The following CNTN3 variants were observed in gnomAD, a reference collection of about 807,000 sequenced individuals.
CNTN3 encodes the protein contactin-3.
Under a neutral mutation model 119.1 loss-of-function variants are expected in CNTN3, and 60 were observed. The ratio of observed to expected loss-of-function variants is 0.50; its 90% CI spans 0.41 to 0.62. The LOEUF (loss-of-function observed/expected upper bound fraction) is 0.62. Ranked by LOEUF, CNTN3 falls within the 20% of genes least tolerant of loss-of-function variation. CNTN3 has a pLI of 0.00. For missense variants in CNTN3, 1,101 were observed against 1,242.4 expected (o/e 0.89, Z 1.71); for synonymous variants, 450 against 438.7 (o/e 1.03, Z -0.32).
intron 1 of CNTN3, among the ~76,000 whole-genome samples, chr3:74,569,459 G>A (rs1197246194): frequency 6.6e-6 from 1 of 152,104 alleles, no homozygotes; most frequent in Non-Finnish European, 1.5e-5. Flanking sequence ...ACTGTCTCGC[G>A]TTATAAAACT....
chr3:74,326,924 T>A (rs1703146021), intron 13 of CNTN3, among the ~76,000 whole-genome samples: 1 of 152,074 alleles, frequency 6.6e-6, no homozygotes, highest in Non-Finnish European at 1.5e-5. Flanking sequence ...TTTTGGGATG[T>A]GGAAGAAGTA....
At position 74,364,545 on chromosome 3, in the gene CNTN3, T is replaced by C. The variant is rs2106777898; in HGVS notation, c.1135A>G (p.Thr379Ala). 6.2e-7 allele frequency: 1 copy of C among 1,611,972 alleles called. No homozygotes were observed. Among genetic ancestry groups the C allele is most frequent in the South Asian group, 1.1e-5 (1 of 91,024 alleles). ...GALTISNLSVTDSGMFQCIAE... is the reference protein window; with the variant it reads ...GALTISNLSVADSGMFQCIAE... ...ATGCATTGGAACATGCCAGAATCAG[T>C]CACACTTAGGTTTGATATTGTAAGG... Residue 379 changes from threonine to alanine, a missense_variant, in exon 10 of 23, where the codon ACT (threonine) becomes GCT (alanine). Transcript: ENST00000263665.
chr3:74,301,558 A>G lies in CNTN3; in HGVS notation c.1946-11T>C. 1 of 1,613,484 alleles carries G rather than the reference A, an allele frequency of 6.2e-7. No homozygotes were observed. Among genetic ancestry groups the G allele is most frequent in the African/African-American group, 1.3e-5 (1 of 75,028 alleles). ...CGATGACCTCAGGCACTACAAAGGA[A>G]TATTTCAGAGGTAAGAGTCTGCCTG... On this transcript the variant is annotated splice_polypyrimidine_tract_variant and intron_variant, in intron 15 of 22. Transcript: ENST00000263665.
At chr3:74,427,034 T>A (rs1701705812) in intron 4 of CNTN3, among the ~76,000 whole-genome samples, 1 of 152,198 alleles carries the variant, frequency 6.6e-6, no homozygotes, top group Non-Finnish European at 1.5e-5. Flanking sequence ...ACCAGTAATG[T>A]CTCCTCCAAA....
intron 4 of CNTN3, among the ~76,000 whole-genome samples, chr3:74,451,474 C>T (rs1488537557): frequency 1.3e-5 from 2 of 152,092 alleles, no homozygotes; most frequent in Non-Finnish European, 2.9e-5. Context: ...TGCCTGTTCA[C>T]TCTGATGGTA....
chr3:74,465,514 T>C (rs1458402040), intron 4 of CNTN3, among the ~76,000 whole-genome samples: 2 of 152,216 alleles, frequency 1.3e-5, no homozygotes, highest in East Asian at 3.9e-4. Flanking sequence ...TTTTCTCTGC[T>C]GGTGTCTTCT....
chr3:74,329,873 A>T (rs1225084160), intron 13 of CNTN3, among the ~76,000 whole-genome samples: 2 of 152,212 alleles, frequency 1.3e-5, no homozygotes, highest in Non-Finnish European at 2.9e-5. Flanking sequence ...GAAATAGTGT[A>T]CACATTCTTA....
intron 11 of CNTN3, among the ~76,000 whole-genome samples, chr3:74,339,383 C>T (rs1313485834): frequency 2.0e-5 from 3 of 152,090 alleles, no homozygotes; most frequent in Non-Finnish European, 4.4e-5. Flanking sequence ...CACAAGCCTT[C>T]TTTTAATGAC....
intron 13 of CNTN3, 101 bp from the exon 14 acceptor site, chr3:74,302,908 T>C (rs978233181): frequency 2.0e-5 from 14 of 707,614 alleles, no homozygotes; most frequent in Non-Finnish European, 2.9e-5. Context: ...ATGAAAACTA[T>C]ATTTAGGGAG....
intron 4 of CNTN3, among the ~76,000 whole-genome samples, chr3:74,465,605 C>A (rs1702447181): frequency 6.6e-6 from 1 of 152,050 alleles, no homozygotes; most frequent in Non-Finnish European, 1.5e-5. Context: ...ATTGTACACA[C>A]AAAAAAATGC....
chr3:74,583,250 G>A (rs111956703), intron 1 of CNTN3, among the ~76,000 whole-genome samples: 1 of 151,968 alleles, frequency 6.6e-6, no homozygotes, highest in African/African-American at 2.4e-5. Flanking sequence ...GCCAAATAAA[G>A]AAACACACAA....
intron 11 of CNTN3, among the ~76,000 whole-genome samples, chr3:74,337,377 G>A (rs1490676239): frequency 1.3e-5 from 2 of 152,076 alleles, no homozygotes; most frequent in Non-Finnish European, 2.9e-5. Context: ...CACCTTCATG[G>A]AATAATATTC....
At chr3:74,327,534 T>G (rs1225531328) in intron 13 of CNTN3, among the ~76,000 whole-genome samples, 1 of 152,190 alleles carries the variant, frequency 6.6e-6, no homozygotes, top group Non-Finnish European at 1.5e-5. Context: ...TTTACTATCT[T>G]GGTAGGTTTT....
intron 13 of CNTN3, among the ~76,000 whole-genome samples, chr3:74,321,944 G>T (rs911399821): frequency 1.3e-5 from 2 of 152,092 alleles, no homozygotes; most frequent in Non-Finnish European, 2.9e-5. Flanking sequence ...GGGTTCAATG[G>T]TGAATCCGAG....
At chr3:74,492,161 T>G (rs1166817099) in intron 3 of CNTN3, among the ~76,000 whole-genome samples, 2 of 152,160 alleles carry the variant, frequency 1.3e-5, no homozygotes, top group East Asian at 3.9e-4. Flanking sequence ...TTTACACAAA[T>G]TAGAATCTGC....
intron 13 of CNTN3, among the ~76,000 whole-genome samples, chr3:74,310,261 A>G (rs1488205219): frequency 6.6e-6 from 1 of 152,222 alleles, no homozygotes; most frequent in African/African-American, 2.4e-5. Context: ...TAGAAACTTG[A>G]TCATGTTATG....
rs375369291 is a variant in CNTN3, at chr3:74,572,480, G to C, written c.-81+41911C>G. Among the ~76,000 whole-genome samples the C allele has an allele frequency of 1.1e-4, 16 of 151,870 alleles. No individual in the cohort carries two copies. In the East Asian group the frequency reaches 3.1e-3, roughly 29 times the overall value. On this transcript the variant is annotated intron_variant, in intron 1 of 22. Transcript: ENST00000263665. ...TGCAGAAATTAAAAGGGAAGAGTTC[G>C]ATCTATTTATAACAAAATATAATGT...
intron 1 of CNTN3, among the ~76,000 whole-genome samples, chr3:74,576,528 A>C (rs1704420163): frequency 3.9e-5 from 6 of 152,112 alleles, no homozygotes. Flanking sequence ...AATCAATAAG[A>C]CTTGAAATTA....
intron 4 of CNTN3, among the ~76,000 whole-genome samples, chr3:74,485,446 AAAAT>A (rs2107039724): frequency 6.6e-6 from 1 of 152,224 alleles, no homozygotes; most frequent in African/African-American, 2.4e-5. Flanking sequence ...AGGAAAGAAC[AAAAT>A]AAATATGAAA....
Sources: gnomAD v4.1 joint callset for allele counts (sites outside exome capture counted in the v4.1 genomes callset) on GRCh38, gnomAD v4.1.1 for gene constraint, MANE v1.5 for transcripts, NCBI Gene and HGNC (gene_info 2026-07-23, HGNC 2026-07-21) for gene names.